The following VAV2 variants were observed in gnomAD, a reference collection of about 807,000 sequenced individuals.
The protein encoded by VAV2 is guanine nucleotide exchange factor VAV2.
A neutral mutation model predicts 132.5 loss-of-function variants in VAV2; 67 were observed. The ratio of observed to expected loss-of-function variants is 0.51; its 90% CI spans 0.42 to 0.62. VAV2 has a LOEUF of 0.62. Among genes scored for constraint, VAV2 ranks in the 20% least tolerant of loss-of-function variants. The probability of loss-of-function intolerance (pLI) is 0.00; values close to 1 mark genes in which losing one functional copy is unlikely to be tolerated. For synonymous variants in VAV2, 492 were observed against 443.5 expected, an observed-to-expected ratio of 1.11 and a Z score of -1.37; for missense variants, 938 against 1,153.6, an observed-to-expected ratio of 0.81 and a Z score of 2.71.
chr9:133,985,124 C>G (rs935607567), intron 1 of VAV2, among the ~76,000 whole-genome samples: 1 of 152,056 alleles, frequency 6.6e-6, no homozygotes, highest in Non-Finnish European at 1.5e-5. Context: ...TAAATAAATA[C>G]ATACACACAC....
intron 2 of VAV2, among the ~76,000 whole-genome samples, chr9:133,892,149 T>G: frequency 1.0e-5 from 1 of 96,608 alleles, no homozygotes. Flanking sequence ...GGGTGGGGGA[T>G]GATGGAACAG....
Position 133,789,320 on chromosome 9 carries a change from T to C in VAV2, c.1212A>G (p.Gly404=), listed in dbSNP as rs1834359015. 6.2e-7 allele frequency: 1 copy of C among 1,614,060 alleles called. No individual in the cohort carries two copies. Among genetic ancestry groups the C allele is most frequent in the Non-Finnish European group, 8.5e-7 (1 of 1,180,018 alleles). The change falls in exon 14 of 30, where the codon GGA becomes GGG. Residue 404 remains glycine (G), a synonymous_variant. Transcript: ENST00000371850. ...TCAGTTCCCCGTCAATCTTTGGTCTTCCAAATTCCTCCAGTTTCACTTGCT... is the reference window on the plus strand; with the variant it reads ...TCAGTTCCCCGTCAATCTTTGGTCTCCCAAATTCCTCCAGTTTCACTTGCT... ...ENLQVKLEEF[G]RPKIDGELKV...
At chr9:133,895,268 G>A (rs35145768) in intron 2 of VAV2, among the ~76,000 whole-genome samples, 3,827 of 152,078 alleles carry the variant, frequency 0.025, 68 homozygotes, top group Non-Finnish European at 0.041. Context: ...CACAGTTATA[G>A]GTGCAGCTCC....
chr9:133,954,776 A>ACG (rs147643598), intron 1 of VAV2, among the ~76,000 whole-genome samples: 1 of 131,216 alleles, frequency 7.6e-6, no homozygotes, highest in East Asian at 2.5e-4. Context: ...GTGTGTGCAC[A>ACG]TGTATGTGTG....
Position 133,794,224 on chromosome 9 carries a change from G to T in VAV2, c.1101+1444C>A, listed in dbSNP as rs1188403161. Among the ~76,000 whole-genome samples, 1 of 152,156 alleles carries T rather than the reference G, an allele frequency of 6.6e-6. No homozygotes were observed. Among genetic ancestry groups the T allele is most frequent in the Non-Finnish European group, 1.5e-5 (1 of 68,032 alleles). ...CACACACCGTGGCTCACAGCAGACA[G>T]GCCAGAGCAGGTGTTGGAGAGGGGC... On this transcript the variant is annotated intron_variant, in intron 12 of 29. Coordinates refer to ENST00000371850, the MANE Select transcript of VAV2 (RefSeq NM_001134398.2). This position sits in a 1 kb window ranked among gnomAD's most constrained non-coding sequence, Gnocchi z 4.6.
intron 4 of VAV2, among the ~76,000 whole-genome samples, chr9:133,816,236 A>G (rs1051405678): frequency 8.5e-5 from 13 of 152,160 alleles, no homozygotes; most frequent in Admixed American, 4.6e-4. Flanking sequence ...TACTAGTCAG[A>G]TATGTTTTGT....
chr9:133,984,752 A>C (rs1002658760), intron 1 of VAV2, among the ~76,000 whole-genome samples: 1 of 152,114 alleles, frequency 6.6e-6, no homozygotes, highest in Non-Finnish European at 1.5e-5. Flanking sequence ...TCCTAAAAAT[A>C]CAAACATTAG....
intron 25 of VAV2, among the ~76,000 whole-genome samples, chr9:133,773,750 T>C (rs1375761343): frequency 6.6e-6 from 1 of 152,228 alleles, no homozygotes; most frequent in African/African-American, 2.4e-5. Context: ...AGTATTTTTT[T>C]GCTGAGTAGA....
At chr9:133,821,287 G>A (rs1308194498) in intron 4 of VAV2, among the ~76,000 whole-genome samples, 6 of 152,220 alleles carry the variant, frequency 3.9e-5, no homozygotes, top group Admixed American at 2.6e-4. Flanking sequence ...TCATCACTTC[G>A]GAACAGGCGG....
At chr9:133,951,994 A>AC (rs1448613423) in intron 1 of VAV2, among the ~76,000 whole-genome samples, 2 of 152,130 alleles carry the variant, frequency 1.3e-5, no homozygotes, top group East Asian at 3.9e-4. Context: ...GCAGAGATGT[A>AC]CCCTTACATC....
chr9:133,819,622 G>A (rs528281330), intron 4 of VAV2, among the ~76,000 whole-genome samples: 10 of 152,250 alleles, frequency 6.6e-5, no homozygotes, highest in South Asian at 2.1e-4. Flanking sequence ...GGGGTCACCC[G>A]GTTCTGCCTG....
intron 1 of VAV2, among the ~76,000 whole-genome samples, chr9:133,955,322 C>A (rs1011673307): frequency 1.3e-5 from 2 of 151,834 alleles, no homozygotes; most frequent in Non-Finnish European, 2.9e-5. Context: ...GATGCCAAGG[C>A]GAGGCTCCTG....
intron 22 of VAV2, 81 bp downstream of exon 22, chr9:133,778,681 C>T: frequency 6.4e-7 from 1 of 1,559,082 alleles, no homozygotes; most frequent in South Asian, 1.2e-5. Flanking sequence ...TGGGGATGTG[C>T]AGGACTTTAT....
Position 133,847,538 on chromosome 9 carries a change from G to A in VAV2, c.381-13198C>T, listed in dbSNP as rs114070966. On this transcript the variant is annotated intron_variant, in intron 3 of 29. Coordinates refer to ENST00000371850, the MANE Select transcript of VAV2 (RefSeq NM_001134398.2). Reference sequence around the variant, plus strand: ...TCAGAGGCCAGTCCTACCAAGAACCGAACGGGAAGAGCCCGGACACCCTGG... The same window carrying A: ...TCAGAGGCCAGTCCTACCAAGAACCAAACGGGAAGAGCCCGGACACCCTGG... Among the ~76,000 whole-genome samples, 948 of 152,292 alleles carry A rather than the reference G, an allele frequency of 6.2e-3. 10 individuals carry two copies. Among genetic ancestry groups the A allele is most frequent in the African/African-American group, 0.021 (890 of 41,544 alleles).
At chr9:133,979,959 C>T (rs746930123) in intron 1 of VAV2, among the ~76,000 whole-genome samples, 3 of 152,254 alleles carry the variant, frequency 2.0e-5, no homozygotes, top group Non-Finnish European at 4.4e-5. Flanking sequence ...TATTCTGTGC[C>T]CCCTCCAGAA....
intron 2 of VAV2, among the ~76,000 whole-genome samples, chr9:133,929,160 C>T (rs1338074718): frequency 2.6e-5 from 4 of 152,182 alleles, no homozygotes; most frequent in Admixed American, 1.3e-4. Context: ...CGGCCTGATC[C>T]TCGGCATCAC....
chr9:133,924,623 G>A (rs573624224), intron 2 of VAV2, among the ~76,000 whole-genome samples: 3 of 152,274 alleles, frequency 2.0e-5, no homozygotes, highest in Non-Finnish European at 4.4e-5. Context: ...ACAAGAACAC[G>A]TCCACTAGGA....
At chr9:133,782,328 G>A (rs1371225110) in intron 19 of VAV2, among the ~76,000 whole-genome samples, 1 of 152,102 alleles carries the variant, frequency 6.6e-6, no homozygotes, top group Non-Finnish European at 1.5e-5. Flanking sequence ...CTGGGGACAT[G>A]CGACCACGAG....
At chr9:133,896,601 T>C (rs1388813524) in intron 2 of VAV2, among the ~76,000 whole-genome samples, 1 of 152,218 alleles carries the variant, frequency 6.6e-6, no homozygotes, top group Non-Finnish European at 1.5e-5. Flanking sequence ...CAAACTGTTG[T>C]TCAGGTCACT....
Sources: allele counts gnomAD v4.1 joint callset (sites outside exome capture counted in the v4.1 genomes callset), GRCh38; gene constraint gnomAD v4.1.1; non-coding constraint Gnocchi (gnomAD v3.1); transcripts MANE v1.5; gene names NCBI Gene and HGNC (gene_info 2026-07-23, HGNC 2026-07-21).